LRCH1: variants seen among roughly 807,000 people sequenced by gnomAD.
LRCH1 encodes the protein leucine rich repeats and calponin homology domain containing 1.
In LRCH1, 23 loss-of-function variants were observed where a neutral mutation model predicts 94.9. That is an observed-to-expected ratio of 0.24 (90% CI 0.17 to 0.34). The LOEUF (loss-of-function observed/expected upper bound fraction) is 0.34. Ranked by LOEUF, LRCH1 falls within the 10% of genes least tolerant of loss-of-function variation. The pLI is 1.00. For synonymous variants in LRCH1, 364 were observed against 354.9 expected (o/e 1.03, Z -0.29); for missense variants, 790 against 945.9 (o/e 0.84, Z 2.16).
chr13:46,567,181 GA>G (rs1171589190), intron 1 of LRCH1, among the ~76,000 whole-genome samples: 1 of 152,114 alleles, frequency 6.6e-6, no homozygotes, highest in African/African-American at 2.4e-5. Context: ...TTACTTTCTA[GA>G]ACATTACCTA....
chr13:46,637,636 C>T (rs761934101), intron 1 of LRCH1, among the ~76,000 whole-genome samples: 7 of 152,182 alleles, frequency 4.6e-5, no homozygotes, highest in Non-Finnish European at 7.3e-5. Context: ...CAGCTCTGCA[C>T]TCAGCTGTCA....
intron 1 of LRCH1, among the ~76,000 whole-genome samples, chr13:46,557,880 GTAAA>G (rs2137893188): frequency 6.6e-6 from 1 of 152,118 alleles, no homozygotes; most frequent in African/African-American, 2.4e-5. Flanking sequence ...GAATAAATAA[GTAAA>G]TAAAATAAAA....
intron 1 of LRCH1, among the ~76,000 whole-genome samples, chr13:46,555,622 T>C (rs973439661): frequency 2.0e-5 from 3 of 152,214 alleles, no homozygotes; most frequent in Non-Finnish European, 4.4e-5. Flanking sequence ...TGTTTTATGC[T>C]CAGGAAAATC....
intron 1 of LRCH1, among the ~76,000 whole-genome samples, chr13:46,558,572 C>CAAAAAAAAAAATAAAAAAAAA (rs2050093432): frequency 2.9e-5 from 1 of 34,402 alleles, no homozygotes; most frequent in Non-Finnish European, 5.9e-5. Flanking sequence ...CCTGTGTCTA[C>CAAAAAAAAAAATAAAAAAAAA]AAAAAAAAAA....
intron 1 of LRCH1, among the ~76,000 whole-genome samples, chr13:46,592,408 A>G (rs938369771): frequency 3.3e-5 from 5 of 152,140 alleles, no homozygotes; most frequent in African/African-American, 1.2e-4. Context: ...TTCAGCCCAT[A>G]ATAGGCAAGG....
intron 2 of LRCH1, among the ~76,000 whole-genome samples, chr13:46,657,062 G>A (rs1014135679): frequency 7.9e-5 from 12 of 152,202 alleles, no homozygotes; most frequent in African/African-American, 2.9e-4. Flanking sequence ...TGTTGGTTTT[G>A]TTTTCAGTTC....
intron 1 of LRCH1, among the ~76,000 whole-genome samples, chr13:46,585,552 CA>C (rs35651253): frequency 0.3 from 24,876 of 81,948 alleles, 2,195 homozygotes; most frequent in East Asian, 0.38. Flanking sequence ...GACTGCATCT[CA>C]AAAAAAAAAA....
At chr13:46,579,933 A>C (rs1283631917) in intron 1 of LRCH1, among the ~76,000 whole-genome samples, 1 of 152,212 alleles carries the variant, frequency 6.6e-6, no homozygotes, top group Non-Finnish European at 1.5e-5. Flanking sequence ...GGAGCTTCAG[A>C]GTAACTTGAG....
At chr13:46,628,679 A>AAC (rs2050981266) in intron 1 of LRCH1, among the ~76,000 whole-genome samples, 1 of 151,300 alleles carries the variant, frequency 6.6e-6, no homozygotes, top group East Asian at 1.9e-4. Context: ...AAAAAAAAAA[A>AAC]CACAAGGCCC....
chr13:46,672,381 A>G (rs1344838213), intron 3 of LRCH1, among the ~76,000 whole-genome samples: 3 of 151,582 alleles, frequency 2.0e-5, no homozygotes, highest in Admixed American at 6.6e-5. Flanking sequence ...TGGGTGGCAC[A>G]TGGGTGAGAT....
chr13:46,686,675 G>C (rs1056993535), intron 5 of LRCH1, among the ~76,000 whole-genome samples: 1 of 152,074 alleles, frequency 6.6e-6, no homozygotes, highest in Non-Finnish European at 1.5e-5. Flanking sequence ...CTTCATTTTG[G>C]GGTATTGTTT....
chr13:46,752,643 A>G (rs545378361), exon 19 of LRCH1: 3 of 152,230 alleles, frequency 2.0e-5, no homozygotes, highest in Non-Finnish European at 4.4e-5. Flanking sequence ...GGTTGACTAT[A>G]TAAGTAGGAG....
intron 18 of LRCH1, among the ~76,000 whole-genome samples, chr13:46,732,578 G>A (rs1277011798): frequency 3.3e-5 from 5 of 152,188 alleles, no homozygotes; most frequent in African/African-American, 9.7e-5. Flanking sequence ...CGTCTTTGGA[G>A]TTTCAGAAGA....
intron 1 of LRCH1, among the ~76,000 whole-genome samples, chr13:46,609,762 T>G (rs981660899): frequency 6.6e-6 from 1 of 152,052 alleles, no homozygotes; most frequent in Non-Finnish European, 1.5e-5. Context: ...TTTTAAAAAT[T>G]TATAGCTGTA....
intron 1 of LRCH1, among the ~76,000 whole-genome samples, chr13:46,634,248 A>G (rs2051055411): frequency 6.6e-6 from 1 of 152,216 alleles, no homozygotes. Flanking sequence ...CCCAGATGCC[A>G]CCAGCTCTTC....
chr13:46,738,729 T>G (rs1275840725), intron 19 of LRCH1, among the ~76,000 whole-genome samples: 1 of 152,226 alleles, frequency 6.6e-6, no homozygotes, highest in African/African-American at 2.4e-5. Context: ...TTATATTGGT[T>G]AATTCTAAGG....
intron 9 of LRCH1, among the ~76,000 whole-genome samples, chr13:46,698,741 A>G (rs1566234681): frequency 6.6e-6 from 1 of 152,242 alleles, no homozygotes. Flanking sequence ...ATTTCTGATG[A>G]TAAGTTAACA....
rs530078862 is a variant in LRCH1 at position 46,553,758 on chromosome 13, G to T, written c.307+55G>T. ...TGTGGGTGCTGTCTGGGTGTCTGTC[G>T]TGCGTTCCCTAACGCGGTGGACAGT... On this transcript the variant is annotated intron_variant, in intron 1 of 19. Transcript: ENST00000389797. 3.9e-4 allele frequency: 622 copies of T among 1,586,972 alleles called. 10 individuals carry two copies. In the South Asian group the frequency reaches 6.9e-3, roughly 18 times the overall value.
At chr13:46,647,666 GCCTTC>G (rs2051239430) in intron 1 of LRCH1, among the ~76,000 whole-genome samples, 1 of 152,102 alleles carries the variant, frequency 6.6e-6, no homozygotes, top group Admixed American at 6.5e-5. Context: ...TTCATACAAA[GCCTTC>G]CCCATTCTGA....
Sources: gnomAD v4.1 joint callset for allele counts (sites outside exome capture counted in the v4.1 genomes callset) on GRCh38, gnomAD v4.1.1 for gene constraint, MANE v1.5 for transcripts, NCBI Gene and HGNC (gene_info 2026-07-23, HGNC 2026-07-21) for gene names.